Variants in SENP5 observed in about 807,000 individuals in gnomAD.
SENP5 encodes sentrin-specific protease 5.
A neutral mutation model predicts 74.2 loss-of-function variants in SENP5; 21 were observed. That is an observed-to-expected ratio of 0.28 (90% confidence interval 0.20 to 0.41). The LOEUF is 0.41. SENP5 is among the 10% of genes least tolerant of loss of function. The pLI is 1.00. For synonymous variants in SENP5, 311 were observed against 312.7 expected (o/e 0.99, Z 0.06); for missense variants, 717 against 889.1 (o/e 0.81, Z 2.46).
intron 2 of SENP5, among the ~76,000 whole-genome samples, chr3:196,893,917 A>AC (rs1714323003): frequency 6.6e-6 from 1 of 151,014 alleles, no homozygotes; most frequent in Non-Finnish European, 1.5e-5. Flanking sequence ...CTCAAAAAAA[A>AC]AAAAAAAAAA....
At chr3:196,885,065 TC>T in intron 1 of SENP5, 85 bp from the exon 2 acceptor site, 1 of 731,978 alleles carries the variant, frequency 1.4e-6, no homozygotes, top group South Asian at 1.9e-5. Flanking sequence ...TCTTTTTTTT[TC>T]TCAATTTTCT....
rs1340002357 is a variant in SENP5 at position 196,932,942 on chromosome 3, CCA to C, written c.*2020_*2021del. 3 of 150,916 alleles carry C rather than the reference CCA, an allele frequency of 2.0e-5. No homozygotes were observed. The highest frequency in any genetic ancestry group is 2.9e-5 in the Non-Finnish European group (2 of 67,882). 9.3% of individuals were successfully genotyped at this position (150,916 alleles called of 1,614,324 possible). ...CCCAAATCCAGTGACTCTTCCACTT[CCA>C]GTCTCATGCTTCATAGGGCACCTTG... On this transcript the variant is annotated 3_prime_UTR_variant, in exon 10 of 10. Transcript: ENST00000323460.
chr3:196,926,407 G>C (rs1203801117), intron 7 of SENP5, among the ~76,000 whole-genome samples: 1 of 151,294 alleles, frequency 6.6e-6, no homozygotes, highest in Non-Finnish European at 1.5e-5. Flanking sequence ...GCTTGAACCT[G>C]GGAGGTGGAG....
At chr3:196,895,478 G>A (rs533935080) in intron 2 of SENP5, among the ~76,000 whole-genome samples, 6 of 150,688 alleles carry the variant, frequency 4.0e-5, no homozygotes, top group South Asian at 4.2e-4. Flanking sequence ...AAGCCACCGC[G>A]CCCGGCCTTA....
intron 6 of SENP5, among the ~76,000 whole-genome samples, chr3:196,921,485 C>T (rs556568374): frequency 6.6e-6 from 1 of 152,138 alleles, no homozygotes; most frequent in Non-Finnish European, 1.5e-5. Context: ...GTATCTTTTT[C>T]TGTATTTTCT....
chr3:196,902,790 C>T (rs2108839190), intron 5 of SENP5, among the ~76,000 whole-genome samples: 1 of 152,324 alleles, frequency 6.6e-6, no homozygotes, highest in Admixed American at 6.5e-5. Flanking sequence ...TCTGTACAGC[C>T]AGGGTAATTC....
chr3:196,929,202 C>G (rs1227107276), intron 8 of SENP5: 2 of 155,210 alleles, frequency 1.3e-5, no homozygotes, highest in Non-Finnish European at 2.8e-5. Flanking sequence ...CGATTTCTTT[C>G]AAAGAATAGG....
intron 7 of SENP5, among the ~76,000 whole-genome samples, chr3:196,927,173 A>G (rs1715845857): frequency 6.6e-6 from 1 of 152,188 alleles, no homozygotes; most frequent in Non-Finnish European, 1.5e-5. Context: ...GCAGCCCTCA[A>G]AAATAAGGAG....
intron 1 of SENP5, among the ~76,000 whole-genome samples, chr3:196,876,758 T>G (rs1713494113): frequency 6.7e-6 from 1 of 149,792 alleles, no homozygotes; most frequent in Non-Finnish European, 1.5e-5. Context: ...GTGTGTCTGC[T>G]GTAGTCCCAG....
chr3:196,928,872 G>C (rs1344784608), intron 8 of SENP5, among the ~76,000 whole-genome samples: 1 of 152,206 alleles, frequency 6.6e-6, no homozygotes, highest in Non-Finnish European at 1.5e-5. Context: ...GCTTTGAGCA[G>C]AATACAGTAA....
intron 6 of SENP5, among the ~76,000 whole-genome samples, chr3:196,911,378 T>A (rs1666096949): frequency 6.6e-6 from 1 of 151,820 alleles, no homozygotes; most frequent in South Asian, 2.1e-4. Flanking sequence ...AAATAAACCA[T>A]CAGAAAGTGG....
chr3:196,877,484 C>T (rs912455364), intron 1 of SENP5, among the ~76,000 whole-genome samples: 2 of 152,170 alleles, frequency 1.3e-5, no homozygotes, highest in African/African-American at 4.8e-5. Context: ...CGTGCCCGGC[C>T]ACTATCTCGC....
rs769000512 is a variant in SENP5 at position 196,930,925 on chromosome 3, A to G, written c.*2A>G. Reference sequence around the variant, plus strand: ...TGTGAGTGCCGGCTCATGGACTGAAACTCAGCAGGGACTCTGGGAAGTCTG... The same window carrying G: ...TGTGAGTGCCGGCTCATGGACTGAAGCTCAGCAGGGACTCTGGGAAGTCTG... On this transcript the variant is annotated 3_prime_UTR_variant, in exon 10 of 10. Coordinates refer to ENST00000323460, the MANE Select transcript of SENP5 (RefSeq NM_152699.5). The G allele has an allele frequency of 6.3e-6, 10 of 1,596,636 alleles. No individual in the cohort carries two copies. Among genetic ancestry groups the G allele is most frequent in the Non-Finnish European group, 6.9e-6 (8 of 1,164,462 alleles).
In SENP5 at chr3:196,932,209, A is replaced by C. The variant is rs140323515; in HGVS notation, c.*1286A>C. On this transcript the variant is annotated 3_prime_UTR_variant, in exon 10 of 10. Transcript: ENST00000323460. ...GTGACATGTTGGAAAGATACATGTG[A>C]AACCTACCCAGTTACCCTTTCTGAA... The C allele has an allele frequency of 1.8e-5, 3 of 166,508 alleles. No homozygotes were observed. Among genetic ancestry groups the C allele is most frequent in the African/African-American group, 7.2e-5 (3 of 41,714 alleles). 10.3% of individuals were successfully genotyped at this position (166,508 alleles called of 1,614,324 possible).
intron 2 of SENP5, among the ~76,000 whole-genome samples, chr3:196,891,023 T>C (rs1212987775): frequency 6.6e-6 from 1 of 152,198 alleles, no homozygotes; most frequent in Non-Finnish European, 1.5e-5. Flanking sequence ...GCATTGTTCA[T>C]AATATCCAGA....
chr3:196,927,971 C>A, intron 8 of SENP5, 92 bp downstream of exon 8: 1 of 737,316 alleles, frequency 1.4e-6, no homozygotes. Context: ...AGACTAGTGA[C>A]AGAGATACCA....
chr3:196,919,943 A>AT (rs1560159572), intron 6 of SENP5, among the ~76,000 whole-genome samples: 1 of 152,082 alleles, frequency 6.6e-6, no homozygotes, highest in Non-Finnish European at 1.5e-5. Flanking sequence ...AATGATGCCT[A>AT]TTTTTTATGT....
intron 5 of SENP5, among the ~76,000 whole-genome samples, chr3:196,902,047 A>G (rs931079975): frequency 2.0e-5 from 3 of 152,194 alleles, no homozygotes; most frequent in Admixed American, 6.5e-5. Context: ...ATGGACACCA[A>G]TTTTGAGAAT....
intron 6 of SENP5, among the ~76,000 whole-genome samples, chr3:196,910,335 C>CTT (rs869108574): frequency 0.014 from 725 of 51,380 alleles, 112 homozygotes; most frequent in South Asian, 0.029. Flanking sequence ...CCAAAGTAAT[C>CTT]TTTTTTTTTT....
Sources: gnomAD v4.1 joint callset for allele counts (sites outside exome capture counted in the v4.1 genomes callset) on GRCh38, gnomAD v4.1.1 for gene constraint, MANE v1.5 for transcripts, NCBI Gene and HGNC (gene_info 2026-07-23, HGNC 2026-07-21) for gene names.